Variants in APP observed in about 807,000 individuals in gnomAD.
APP encodes amyloid beta precursor protein, also known as amyloid-beta precursor protein.
Under a neutral mutation model 101.4 loss-of-function variants are expected in APP, and 31 were observed. The ratio of observed to expected loss-of-function variants is 0.31; its 90% confidence interval spans 0.23 to 0.41. The LOEUF is 0.41. Among genes scored for constraint, APP ranks in the 10% least tolerant of loss-of-function variants. The pLI is 1.00. For synonymous variants in APP, 366 were observed against 364.4 expected, an observed-to-expected ratio of 1.00 and a Z score of -0.05; for missense variants, 839 against 1,003.7, an observed-to-expected ratio of 0.84 and a Z score of 2.22.
chr21:25,892,159 C>CCT (rs10638132), intron 16 of APP, among the ~76,000 whole-genome samples: 122,521 of 151,920 alleles, frequency 0.81, 49,544 homozygotes, highest in African/African-American at 0.86. Context: ...TCTACTTTCC[C>CCT]CACAGGTCAA....
intron 1 of APP, among the ~76,000 whole-genome samples, chr21:26,167,295 T>C (rs758580376): frequency 2.8e-4 from 42 of 152,186 alleles, no homozygotes; most frequent in South Asian, 6.2e-4. Flanking sequence ...AGGTATGCAG[T>C]CGAACTAAAC....
At chr21:25,946,323 T>C (rs2146453673) in intron 13 of APP, among the ~76,000 whole-genome samples, 1 of 152,360 alleles carries the variant, frequency 6.6e-6, no homozygotes, top group East Asian at 1.9e-4. Context: ...ATAATGTATT[T>C]GATAAGAATT....
At chr21:26,081,985 A>G (rs2146081045) in intron 3 of APP, among the ~76,000 whole-genome samples, 1 of 152,360 alleles carries the variant, frequency 6.6e-6, no homozygotes, top group East Asian at 1.9e-4. Flanking sequence ...TGGGAGGCCA[A>G]GATGGGTGGA....
chr21:26,161,819 T>C (rs1253093265), intron 1 of APP, among the ~76,000 whole-genome samples: 1 of 152,176 alleles, frequency 6.6e-6, no homozygotes, highest in Non-Finnish European at 1.5e-5. Flanking sequence ...TCACTTTTCA[T>C]ATGATGGGTT....
chr21:25,907,553 T>C (rs1278866452), intron 14 of APP, among the ~76,000 whole-genome samples: 1 of 152,260 alleles, frequency 6.6e-6, no homozygotes, highest in Non-Finnish European at 1.5e-5. Context: ...ATCTTAGCTT[T>C]AACTTTTAAT....
At chr21:26,120,411 T>C (rs373556143) in intron 1 of APP, among the ~76,000 whole-genome samples, 17 of 152,276 alleles carry the variant, frequency 1.1e-4, no homozygotes, top group African/African-American at 4.1e-4. Context: ...TGCCTTGGTC[T>C]CCTAAAGTGC....
At chr21:25,966,811 C>A (rs531436646) in intron 11 of APP, among the ~76,000 whole-genome samples, 2 of 152,182 alleles carry the variant, frequency 1.3e-5, no homozygotes, top group Admixed American at 6.5e-5. Context: ...AAAGGTACAC[C>A]AACACCCACA....
chr21:26,170,658 G>C lies in APP; in HGVS notation c.-38C>G, dbSNP rs937806521. 5.3e-6 allele frequency: 8 copies of C among 1,520,134 alleles called. No individual in the cohort carries two copies. In the African/African-American group the frequency reaches 8.5e-5, roughly 16 times the overall value. The allele number at this position is 1,520,134 out of a possible 1,614,324, so 94.2% of individuals were successfully genotyped here. A position where few individuals can be genotyped will look rare whatever the true frequency, so the allele number is the denominator to read the frequency against. ...CGGGGCACCGAGTGCGCTGCTGTGC[G>C]AGTGGGATCCGCCGCGTCCTTGCTC... On this transcript the variant is annotated 5_prime_UTR_variant, in exon 1 of 18. Coordinates refer to ENST00000346798, the MANE Select transcript of APP (RefSeq NM_000484.4).
At chr21:26,019,538 C>T (rs1370670486) in intron 6 of APP, among the ~76,000 whole-genome samples, 6 of 152,182 alleles carry the variant, frequency 3.9e-5, no homozygotes, top group Admixed American at 2.0e-4. Flanking sequence ...TCTTTGACTT[C>T]TATTTCCTAA....
At chr21:26,120,729 C>T (rs2062546974) in intron 1 of APP, among the ~76,000 whole-genome samples, 1 of 152,102 alleles carries the variant, frequency 6.6e-6, no homozygotes, top group East Asian at 1.9e-4. Context: ...AAAAATTAAA[C>T]ATATTTTGTT....
chr21:26,037,943 C>T (rs2045194825), intron 5 of APP, among the ~76,000 whole-genome samples: 2 of 152,078 alleles, frequency 1.3e-5, no homozygotes, highest in African/African-American at 2.4e-5. Flanking sequence ...GTTTAAGATA[C>T]AATATTTCTT....
chr21:26,112,027 G>T lies in APP; in HGVS notation c.177C>A (p.Thr59=). ...CTTCCTTGGTATCAATGCAGGTTTT[G>T]GTCCCTGATGGATCTGAATCCCACT... ...NGKWDSDPSG[T]KTCIDTKEGI... The change falls in exon 2 of 18, where the codon ACC becomes ACA. Residue 59 remains threonine (T), a synonymous_variant. Coordinates refer to ENST00000346798, the MANE Select transcript of APP (RefSeq NM_000484.4). 2 of 1,614,082 alleles carry T rather than the reference G, an allele frequency of 1.2e-6. No homozygotes were observed. Among genetic ancestry groups the T allele is most frequent in the Non-Finnish European group, 1.7e-6 (2 of 1,179,996 alleles).
intron 1 of APP, among the ~76,000 whole-genome samples, chr21:26,167,489 T>C (rs2063643003): frequency 6.6e-6 from 1 of 152,212 alleles, no homozygotes; most frequent in Non-Finnish European, 1.5e-5. Context: ...ACTGATAGTT[T>C]AGTGGCCACG....
At chr21:26,146,494 T>A (rs896299864) in intron 1 of APP, among the ~76,000 whole-genome samples, 2 of 152,264 alleles carry the variant, frequency 1.3e-5, no homozygotes, top group Non-Finnish European at 2.9e-5. Context: ...TCCTGTGTAC[T>A]ATAAAATTCT....
chr21:26,019,902 C>A (rs7280004), intron 6 of APP, among the ~76,000 whole-genome samples: 1 of 152,258 alleles, frequency 6.6e-6, no homozygotes, highest in East Asian at 1.9e-4. Flanking sequence ...CCTGAGAAAG[C>A]ATGTCTCAGT....
chr21:26,135,779 T>C (rs1247882762), intron 1 of APP, among the ~76,000 whole-genome samples: 1 of 152,138 alleles, frequency 6.6e-6, no homozygotes, highest in African/African-American at 2.4e-5. Flanking sequence ...GTGTTTTGCA[T>C]ATAAATCAAA....
intron 2 of APP, among the ~76,000 whole-genome samples, chr21:26,090,284 C>A (rs980177970): frequency 1.3e-5 from 2 of 152,160 alleles, no homozygotes; most frequent in African/African-American, 2.4e-5. Flanking sequence ...CCGGAAAGTC[C>A]AAAATCCAAA....
intron 1 of APP, among the ~76,000 whole-genome samples, chr21:26,165,958 C>T (rs1170712117): frequency 6.6e-6 from 1 of 152,142 alleles, no homozygotes; most frequent in Non-Finnish European, 1.5e-5. Flanking sequence ...AATCATTGTA[C>T]TCCAGTTTTT....
At chr21:26,091,255 A>T (rs1260797848) in intron 2 of APP, among the ~76,000 whole-genome samples, 1 of 152,188 alleles carries the variant, frequency 6.6e-6, no homozygotes, top group Non-Finnish European at 1.5e-5. Context: ...GACACAGGTA[A>T]AAGGTGGTAG....
Sources: gnomAD v4.1 joint callset for allele counts (sites outside exome capture counted in the v4.1 genomes callset) on GRCh38, gnomAD v4.1.1 for gene constraint, MANE v1.5 for transcripts, NCBI Gene and HGNC (gene_info 2026-07-23, HGNC 2026-07-21) for gene names.